PDE1C: variants seen among roughly 807,000 people sequenced by gnomAD.
The protein encoded by PDE1C is phosphodiesterase 1C, also known as dual specificity calcium/calmodulin-dependent 3',5'-cyclic nucleotide phosphodiesterase 1C.
In PDE1C, 62 loss-of-function variants were observed where a neutral mutation model predicts 93.1. The observed-to-expected ratio is 0.67, with a 90% CI of 0.54 to 0.82. The LOEUF is 0.82. Among genes scored for constraint, PDE1C ranks in the 40% least tolerant of loss-of-function variants. The probability of loss-of-function intolerance (pLI) is 0.00; values close to 1 mark genes in which losing one functional copy is unlikely to be tolerated. For missense variants in PDE1C, 742 were observed against 884.6 expected (o/e 0.84, Z 2.04); for synonymous variants, 325 against 310.1 (o/e 1.05, Z -0.50).
At chr7:31,837,785 G>C in intron 10 of PDE1C, 85 bp downstream of exon 10, 1 of 822,798 alleles carries the variant, frequency 1.2e-6, no homozygotes, top group Non-Finnish European at 2.1e-6. Context: ...TGTTAAAGGA[G>C]ATGCTCTTTA....
chr7:32,184,595 A>C (rs1803708416), intron 2 of PDE1C, among the ~76,000 whole-genome samples: 1 of 152,178 alleles, frequency 6.6e-6, no homozygotes, highest in Non-Finnish European at 1.5e-5. Context: ...TGAGAATTGA[A>C]CAATGAGAAC....
intron 1 of PDE1C, among the ~76,000 whole-genome samples, chr7:32,067,528 G>A (rs1285096133): frequency 6.6e-6 from 1 of 152,326 alleles, no homozygotes; most frequent in South Asian, 2.1e-4. Flanking sequence ...TTATTTGCAG[G>A]TGATAACCAC....
chr7:31,691,563 C>T, the PDE1C span, among the ~76,000 whole-genome samples: 1 of 152,000 alleles, frequency 6.6e-6, no homozygotes, highest in African/African-American at 2.4e-5. Flanking sequence ...TTCTGGAATT[C>T]CACTGCTCCT....
intron 1 of PDE1C, among the ~76,000 whole-genome samples, chr7:32,237,310 A>C (rs955299779): frequency 9.4e-6 from 1 of 106,332 alleles, no homozygotes; most frequent in African/African-American, 3.9e-5. Flanking sequence ...GATGGTCTCG[A>C]TCTCCTGACC....
chr7:31,928,207 T>G (rs1234371569), intron 2 of PDE1C, among the ~76,000 whole-genome samples: 1 of 151,862 alleles, frequency 6.6e-6, no homozygotes, highest in Non-Finnish European at 1.5e-5. Flanking sequence ...AATATCAACT[T>G]AATGAAATGA....
At chr7:31,866,046 G>A (rs1278114919) in intron 6 of PDE1C, among the ~76,000 whole-genome samples, 1 of 151,994 alleles carries the variant, frequency 6.6e-6, no homozygotes, top group East Asian at 1.9e-4. Context: ...CTATGTAACA[G>A]CGAAGAACAT....
At chr7:31,722,376 C>T in the PDE1C span, among the ~76,000 whole-genome samples, 1 of 152,170 alleles carries the variant, frequency 6.6e-6, no homozygotes, top group Non-Finnish European at 1.5e-5. Flanking sequence ...ATTTATTCAA[C>T]AAATACTTAT....
At chr7:31,817,022 C>T (rs527815289) in intron 14 of PDE1C, among the ~76,000 whole-genome samples, 64 of 152,254 alleles carry the variant, frequency 4.2e-4, no homozygotes, top group Admixed American at 1.3e-3. Context: ...TAGCGTTAAG[C>T]ACTGTTTTAG....
At chr7:31,678,043 C>T in the PDE1C span, among the ~76,000 whole-genome samples, 1 of 152,146 alleles carries the variant, frequency 6.6e-6, no homozygotes, top group Non-Finnish European at 1.5e-5. Context: ...CAAAGATAAA[C>T]TCACAAATAT....
At chr7:32,380,108 C>T (rs992307012) in intron 1 of PDE1C, among the ~76,000 whole-genome samples, 13 of 152,198 alleles carry the variant, frequency 8.5e-5, no homozygotes, top group African/African-American at 2.7e-4. Context: ...GGAAAACCCA[C>T]GCTTGTTTTC....
chr7:31,641,255 A>C, the PDE1C span, among the ~76,000 whole-genome samples: 2 of 152,194 alleles, frequency 1.3e-5, no homozygotes, highest in Non-Finnish European at 2.9e-5. Flanking sequence ...TCCCCTATTT[A>C]TCACTTAGGT....
intron 3 of PDE1C, among the ~76,000 whole-genome samples, chr7:32,119,099 C>T (rs1379572597): frequency 1.3e-5 from 2 of 152,144 alleles, no homozygotes; most frequent in Non-Finnish European, 2.9e-5. Flanking sequence ...CCTTCTCTCT[C>T]TCTCTCCCAC....
chr7:32,141,321 C>A (rs1043646039), intron 3 of PDE1C, among the ~76,000 whole-genome samples: 1 of 152,186 alleles, frequency 6.6e-6, no homozygotes, highest in Non-Finnish European at 1.5e-5. Context: ...CCAGCCTGGA[C>A]AACATAGCAA....
At chr7:31,934,293 T>A (rs903114112) in intron 2 of PDE1C, among the ~76,000 whole-genome samples, 34 of 152,192 alleles carry the variant, frequency 2.2e-4, no homozygotes, top group African/African-American at 8.0e-4. Flanking sequence ...AAAAAATGAT[T>A]CAGTTTTTTA....
intron 16 of PDE1C, 76 bp from the exon 17 acceptor site, chr7:31,775,808 A>G (rs1584023343): frequency 8.0e-7 from 1 of 1,243,748 alleles, no homozygotes; most frequent in East Asian, 2.4e-5. Flanking sequence ...GTTCATCTGA[A>G]ATGTTATCAA....
intron 1 of PDE1C, among the ~76,000 whole-genome samples, chr7:32,223,772 G>A (rs1038307555): frequency 2.0e-5 from 3 of 152,122 alleles, no homozygotes; most frequent in Non-Finnish European, 4.4e-5. Context: ...CCAACCTATT[G>A]CCTATTTTAT....
At chr7:31,816,741 T>C (rs951445900) in intron 14 of PDE1C, among the ~76,000 whole-genome samples, 1 of 152,178 alleles carries the variant, frequency 6.6e-6, no homozygotes, top group Non-Finnish European at 1.5e-5. Flanking sequence ...GGACACTGTT[T>C]GTTAATTTAA....
chr7:32,123,592 C>A (rs1309133450), intron 3 of PDE1C, among the ~76,000 whole-genome samples: 1 of 151,964 alleles, frequency 6.6e-6, no homozygotes, highest in Non-Finnish European at 1.5e-5. Context: ...TAAACAGAAC[C>A]AAAGAAAAAA....
chr7:32,387,283 C>T (rs1252696556), intron 1 of PDE1C, among the ~76,000 whole-genome samples: 4 of 152,152 alleles, frequency 2.6e-5, no homozygotes, highest in Non-Finnish European at 4.4e-5. Context: ...TCTATCCACA[C>T]AGACCCGGCA....
Sources: allele counts gnomAD v4.1 joint callset (sites outside exome capture counted in the v4.1 genomes callset), GRCh38; gene constraint gnomAD v4.1.1; transcripts MANE v1.5; gene names NCBI Gene and HGNC (gene_info 2026-07-23, HGNC 2026-07-21).